FBXL20: variants seen among roughly 807,000 people sequenced by gnomAD.
FBXL20 encodes F-box/LRR-repeat protein 20.
In FBXL20, 11 loss-of-function variants were observed where a neutral mutation model predicts 64.0. That is an observed-to-expected ratio of 0.17 (90% CI 0.11 to 0.28). The LOEUF is 0.28. Among genes scored for constraint, FBXL20 ranks in the 10% least tolerant of loss-of-function variants. The pLI, the probability that FBXL20 is intolerant of heterozygous loss-of-function variation, is 1.00. For missense variants in FBXL20, 303 were observed against 526.2 expected (o/e 0.58, Z 4.15); for synonymous variants, 184 against 189.0 (o/e 0.97, Z 0.22).
chr17:39,400,453 C>T (rs1449558224), intron 1 of FBXL20, among the ~76,000 whole-genome samples: 1 of 152,210 alleles, frequency 6.6e-6, no homozygotes, highest in African/African-American at 2.4e-5. Context: ...GATCCCAGGT[C>T]AGCCTGGTTC....
rs955153291 is a variant in FBXL20 at position 39,336,870 on chromosome 17, C to G, written c.104+6310G>C. ...AAGAAAGTAGAAAGAATTGAGCAGA[C>G]AGAAACCACCATAGTAGCAAACTCC... On this transcript the variant is annotated intron_variant, in intron 2 of 14. Coordinates refer to ENST00000264658, the MANE Select transcript of FBXL20 (RefSeq NM_032875.3). Among the ~76,000 whole-genome samples the G allele has an allele frequency of 7.1e-4, 107 of 151,606 alleles. 3 individuals are homozygous for G. Among genetic ancestry groups the G allele is most frequent in the Non-Finnish European group, 1.3e-4 (9 of 67,918 alleles).
intron 1 of FBXL20, among the ~76,000 whole-genome samples, chr17:39,356,249 T>C (rs1179745305): frequency 6.6e-6 from 1 of 151,940 alleles, no homozygotes; most frequent in East Asian, 1.9e-4. Context: ...TTTATAGTTT[T>C]AGCTTATACA....
At chr17:39,270,737 TA>T in intron 11 of FBXL20, 58 bp downstream of exon 11, 1 of 1,393,632 alleles carries the variant, frequency 7.2e-7, no homozygotes. Flanking sequence ...TCTTCTGAAA[TA>T]AAAAGCCCTA....
chr17:39,332,544 T>C (rs2047472320), intron 2 of FBXL20, among the ~76,000 whole-genome samples: 1 of 146,944 alleles, frequency 6.8e-6, no homozygotes, highest in Non-Finnish European at 1.5e-5. Context: ...ATCTTTTTTT[T>C]TTTTTTTTTT....
At chr17:39,303,933 C>G (rs113686918) in intron 2 of FBXL20, among the ~76,000 whole-genome samples, 4 of 152,206 alleles carry the variant, frequency 2.6e-5, no homozygotes, top group African/African-American at 9.6e-5. Context: ...CAATTGGCCT[C>G]CCAAATTGCT....
At chr17:39,377,353 AC>A (rs533510160) in intron 1 of FBXL20, among the ~76,000 whole-genome samples, 22 of 151,872 alleles carry the variant, frequency 1.4e-4, no homozygotes, top group Non-Finnish European at 2.4e-4. Context: ...ACTTTCCCCC[AC>A]CCACCAAGCT....
chr17:39,281,493 G>A, intron 8 of FBXL20, 30 bp from the exon 9 acceptor site: 1 of 1,561,626 alleles, frequency 6.4e-7, no homozygotes, highest in East Asian at 2.2e-5. Context: ...AGAAAAAAAT[G>A]ATTATTGACA....
intron 3 of FBXL20, 24 bp downstream of exon 3, chr17:39,303,560 CT>C: frequency 3.1e-6 from 5 of 1,598,954 alleles, no homozygotes; most frequent in South Asian, 2.3e-5. Flanking sequence ...AGGGGTCCCC[CT>C]GTAACTATGC....
In FBXL20 at chr17:39,260,580, C is replaced by A. The variant is rs1057368497; in HGVS notation, c.*880G>T. The A allele has an allele frequency of 6.6e-6, 1 of 152,246 alleles. No homozygotes were observed. Among genetic ancestry groups the A allele is most frequent in the South Asian group, 2.1e-4 (1 of 4,832 alleles). The allele number at this position is 152,246 out of a possible 1,614,324, so 9.4% of individuals were successfully genotyped here. On this transcript the variant is annotated 3_prime_UTR_variant, in exon 15 of 15. Transcript: ENST00000264658. ...TTGGCAAAGATTCAGGCAGGGTCCC[C>A]TAATGGTAAAATTTAGAATTAAAAA... is the stretch of plus-strand genomic sequence containing the variant.
At chr17:39,388,873 G>C (rs1385632315) in intron 1 of FBXL20, among the ~76,000 whole-genome samples, 1 of 149,530 alleles carries the variant, frequency 6.7e-6, no homozygotes, top group Non-Finnish European at 1.5e-5. Flanking sequence ...AGGCTGAGGT[G>C]GGTGGAGTAC....
In FBXL20 at chr17:39,334,482, TAAAAA is replaced by T. The variant is rs34035047; in HGVS notation, c.104+8693_104+8697del. Among the ~76,000 whole-genome samples, 466 of 141,618 alleles carry T rather than the reference TAAAAA, an allele frequency of 3.3e-3. 3 individuals are homozygous for T. The highest frequency in any genetic ancestry group is 0.012 in the African/African-American group (457 of 39,160). 92.9% of individuals were successfully genotyped at this position (141,618 alleles called of 152,430 possible). A position where few individuals can be genotyped will look rare whatever the true frequency, so the allele number is the denominator to read the frequency against. The stretch of plus-strand genomic sequence containing the variant: ...AATGATCAATAAATACTAAAAAAAT[TAAAAA>T]AAAAAAAATTCGAAAAAAAAATTCA... On this transcript the variant is annotated intron_variant, in intron 2 of 14. Transcript: ENST00000264658.
intron 6 of FBXL20, among the ~76,000 whole-genome samples, chr17:39,290,964 A>AC (rs35877504): frequency 0.27 from 39,089 of 143,946 alleles, 6,823 homozygotes; most frequent in African/African-American, 0.5. Flanking sequence ...TCCATTCTGT[A>AC]TTTTTTTTTT....
chr17:39,384,418 A>T (rs923083748), intron 1 of FBXL20, among the ~76,000 whole-genome samples: 2 of 151,502 alleles, frequency 1.3e-5, no homozygotes, highest in African/African-American at 4.9e-5. Flanking sequence ...CCAGCTACTC[A>T]AGAGGCTGAG....
In FBXL20 at chr17:39,372,218, C is replaced by T. The variant is rs151041466; in HGVS notation, c.43-28977G>A. 7.9e-3 allele frequency among the ~76,000 whole-genome samples: 1,202 copies of T among 152,066 alleles called. 15 individuals are homozygous for T. The highest frequency in any genetic ancestry group is 0.028 in the African/African-American group (1,155 of 41,494). ...ACAGCCTGGGAATAATTCTACTTTGCTGTCTTAAAACCAAAAAAAAGGCCA... is the reference window on the plus strand; with the variant it reads ...ACAGCCTGGGAATAATTCTACTTTGTTGTCTTAAAACCAAAAAAAAGGCCA... On this transcript the variant is annotated intron_variant, in intron 1 of 14. Transcript: ENST00000264658.
rs576711053 is a variant in FBXL20, at chr17:39,254,173, G to A, written c.*7287C>T. The A allele has an allele frequency of 6.6e-6, 1 of 152,266 alleles. No homozygotes were observed. The highest frequency in any genetic ancestry group is 2.4e-5 in the African/African-American group (1 of 41,454). The allele number at this position is 152,266 out of a possible 1,614,324, so 9.4% of individuals were successfully genotyped here. On this transcript the variant is annotated 3_prime_UTR_variant, in exon 15 of 15. Coordinates refer to ENST00000264658, the MANE Select transcript of FBXL20 (RefSeq NM_032875.3). ...GCTCACTGCAACATCCGCCTCCCAG[G>A]TTCAAGTGATTCTCTTGCCTCAGCC...
At chr17:39,310,942 C>G (rs1273466409) in intron 2 of FBXL20, among the ~76,000 whole-genome samples, 4 of 151,664 alleles carry the variant, frequency 2.6e-5, no homozygotes, top group Non-Finnish European at 4.4e-5. Flanking sequence ...ACTGAGATCG[C>G]GCCACTGCAC....
At chr17:39,317,272 C>T (rs2144502113) in intron 2 of FBXL20, among the ~76,000 whole-genome samples, 1 of 152,228 alleles carries the variant, frequency 6.6e-6, no homozygotes, top group East Asian at 1.9e-4. Flanking sequence ...CACTCCATCA[C>T]CCAGGGTGGA....
chr17:39,326,724 A>C (rs2047412759), intron 2 of FBXL20, among the ~76,000 whole-genome samples: 1 of 151,692 alleles, frequency 6.6e-6, no homozygotes, highest in East Asian at 2.0e-4. Flanking sequence ...GCCTCAAGCA[A>C]TCCTCTCGTC....
chr17:39,387,345 T>G (rs2048091485), intron 1 of FBXL20, among the ~76,000 whole-genome samples: 1 of 148,218 alleles, frequency 6.7e-6, no homozygotes, highest in African/African-American at 2.5e-5. Context: ...AATGGCGCAA[T>G]CTCGGCTTGC....
Sources: allele counts gnomAD v4.1 joint callset (sites outside exome capture counted in the v4.1 genomes callset), GRCh38; gene constraint gnomAD v4.1.1; transcripts MANE v1.5; gene names NCBI Gene and HGNC (gene_info 2026-07-23, HGNC 2026-07-21).